The following TMEM132B variants were observed in gnomAD, a reference collection of about 807,000 sequenced individuals.
TMEM132B encodes the protein transmembrane protein 132B.
Under a neutral mutation model 90.8 loss-of-function variants are expected in TMEM132B, and 18 were observed. The observed-to-expected ratio is 0.20, with a 90% CI of 0.14 to 0.29. TMEM132B has a LOEUF of 0.29. Ranked by LOEUF, TMEM132B falls within the 10% of genes least tolerant of loss-of-function variation. The pLI, the probability that TMEM132B is intolerant of heterozygous loss-of-function variation, is 1.00. For synonymous variants in TMEM132B, 504 were observed against 523.3 expected, an observed-to-expected ratio of 0.96 and a Z score of 0.50; for missense variants, 1,096 against 1,326.8, an observed-to-expected ratio of 0.83 and a Z score of 2.70.
chr12:125,350,329 C>T lies in TMEM132B; in HGVS notation c.945C>T (p.Asp315=). Residue 315 remains aspartate, a synonymous_variant, in exon 2 of 9, where the codon GAC becomes GAT. Coordinates refer to ENST00000682704, the MANE Select transcript of TMEM132B (RefSeq NM_001366854.1). The part of the protein sequence containing the change: ...LVSLTSSSVA[D]QFTLRIKAAA... ...CTCTGACCAGTAGCTCTGTGGCAGA[C>T]CAGTTCACTCTTAGGTAAGAGGCTT... 1 of 1,612,400 alleles carries T rather than the reference C, an allele frequency of 6.2e-7. No individual in the cohort carries two copies. Among genetic ancestry groups the T allele is most frequent in the African/African-American group, 1.3e-5 (1 of 75,030 alleles).
chr12:125,523,808 A>G (rs11058222), intron 4 of TMEM132B, among the ~76,000 whole-genome samples: 37,417 of 152,124 alleles, frequency 0.25, 4,916 homozygotes, highest in African/African-American at 0.29. Flanking sequence ...ATGTCACTCT[A>G]GCACCTCTGA....
intron 1 of TMEM132B, among the ~76,000 whole-genome samples, chr12:125,339,687 T>C (rs1877109596): frequency 6.6e-6 from 1 of 151,884 alleles, no homozygotes. Flanking sequence ...CTGAGAGGGA[T>C]GGAGATAGAG....
In TMEM132B at chr12:125,186,676, G is replaced by A. The variant is rs1422901460; in HGVS notation, c.-124G>A. The stretch of plus-strand genomic sequence containing the variant: ...GCGCATGCGTCTGGGGAGGAGCGGC[G>A]CGCTGGGAGCGAGCCATGCCCGGCG... On this transcript the variant is annotated 5_prime_UTR_variant, in exon 1 of 9. Coordinates refer to ENST00000682704, the MANE Select transcript of TMEM132B (RefSeq NM_001366854.1). The surrounding 1 kb of genome is among the most constrained non-coding windows in gnomAD (Gnocchi z 6.3). 1.4e-5 allele frequency among the ~76,000 whole-genome samples: 2 copies of A among 146,586 alleles called. No homozygotes were observed. Among genetic ancestry groups the A allele is most frequent in the African/African-American group, 4.9e-5 (2 of 40,872 alleles).
chr12:125,363,287 C>T (rs1846647), intron 2 of TMEM132B, among the ~76,000 whole-genome samples: 54 of 152,310 alleles, frequency 3.5e-4, no homozygotes, highest in African/African-American at 1.2e-3. Context: ...TCCCCACAAC[C>T]CTGCCTATAC....
chr12:125,393,948 C>A (rs906162676), intron 2 of TMEM132B, among the ~76,000 whole-genome samples: 1 of 152,148 alleles, frequency 6.6e-6, no homozygotes, highest in African/African-American at 2.4e-5. Flanking sequence ...AGAGAGAGGA[C>A]GAAGGAGCCT....
intron 3 of TMEM132B, among the ~76,000 whole-genome samples, chr12:125,440,114 T>C (rs1301197319): frequency 6.6e-6 from 1 of 152,200 alleles, no homozygotes; most frequent in Non-Finnish European, 1.5e-5. Context: ...TCATCAAGGA[T>C]ATTGGCCTGA....
chr12:125,644,178 G>A lies in TMEM132B; in HGVS notation c.1540G>A (p.Glu514Lys), dbSNP rs763471249. 13 of 1,614,080 alleles carry A rather than the reference G, an allele frequency of 8.1e-6. No individual in the cohort carries two copies. The highest frequency in any genetic ancestry group is 3.3e-5 in the Admixed American group (2 of 59,998). The change falls in exon 6 of 9, where the codon GAG becomes AAG. Residue 514 changes from glutamate to lysine, a missense_variant. Transcript: ENST00000682704. The stretch of plus-strand genomic sequence containing the variant: ...CCACCAGCACTTCACCTCCCAGTTC[G>A]AGGTCACTGTCTGGGCACCCAGGCT... The part of the protein sequence containing the change: ...FTHQHFTSQF[E>K]VTVWAPRLPL...
chr12:125,536,182 G>A (rs138119450), intron 4 of TMEM132B, among the ~76,000 whole-genome samples: 39 of 152,320 alleles, frequency 2.6e-4, no homozygotes, highest in Admixed American at 3.9e-4. Flanking sequence ...GGCTGAATCC[G>A]CACATAGTTT....
At chr12:125,333,935 A>G (rs1419251539) in intron 1 of TMEM132B, among the ~76,000 whole-genome samples, 1 of 152,190 alleles carries the variant, frequency 6.6e-6, no homozygotes, top group Non-Finnish European at 1.5e-5. Context: ...GTTAACTCAC[A>G]TGTCCTCAGG....
At position 125,232,455 on chromosome 12, in the gene TMEM132B, C is replaced by T. The variant is rs146937094; in HGVS notation, c.67+45589C>T. On this transcript the variant is annotated intron_variant, in intron 1 of 8. Coordinates refer to ENST00000682704, the MANE Select transcript of TMEM132B (RefSeq NM_001366854.1). ...TTTGCTTTTATCACTTTTCACTTAC[C>T]TTTTTTTTTTTGAGACAAATATCTG... 1.2e-4 allele frequency among the ~76,000 whole-genome samples: 17 copies of T among 145,734 alleles called. 1 individual carries two copies. The highest frequency in any genetic ancestry group is 4.0e-4 in the African/African-American group (16 of 40,014).
intron 3 of TMEM132B, among the ~76,000 whole-genome samples, chr12:125,515,288 TCACA>T (rs999076647): frequency 3.3e-5 from 5 of 151,000 alleles, no homozygotes; most frequent in Admixed American, 2.0e-4. Context: ...ACAAATTCTC[TCACA>T]CACTCATACA....
intron 3 of TMEM132B, among the ~76,000 whole-genome samples, chr12:125,479,501 A>G (rs1413659876): frequency 6.6e-6 from 1 of 152,218 alleles, no homozygotes; most frequent in Non-Finnish European, 1.5e-5. Context: ...AACAAAAATC[A>G]AAAGAGACAA....
intron 3 of TMEM132B, among the ~76,000 whole-genome samples, chr12:125,417,924 C>T (rs1223690945): frequency 6.6e-6 from 1 of 152,150 alleles, no homozygotes; most frequent in Non-Finnish European, 1.5e-5. Context: ...TTGACCAGCG[C>T]TAATGGAAGA....
intron 1 of TMEM132B, among the ~76,000 whole-genome samples, chr12:125,256,820 C>A (rs1874449142): frequency 6.6e-6 from 1 of 152,142 alleles, no homozygotes; most frequent in Non-Finnish European, 1.5e-5. Context: ...GAGGACTGTC[C>A]ATTGACCTGC....
chr12:125,576,994 C>T (rs1236885345), intron 4 of TMEM132B, among the ~76,000 whole-genome samples: 2 of 150,428 alleles, frequency 1.3e-5, no homozygotes, highest in African/African-American at 4.9e-5. Flanking sequence ...TAGGGTAATA[C>T]TGGCCTCATA....
intron 4 of TMEM132B, among the ~76,000 whole-genome samples, chr12:125,582,616 G>A (rs887313889): frequency 6.6e-6 from 1 of 152,192 alleles, no homozygotes; most frequent in Non-Finnish European, 1.5e-5. Context: ...GTGCGAAGTG[G>A]CATCTCTGCC....
In TMEM132B at chr12:125,261,520, A is replaced by G. The variant is rs570431389; in HGVS notation, c.67+74654A>G. On this transcript the variant is annotated intron_variant, in intron 1 of 8. Transcript: ENST00000682704. ...GTGATATTTGGTGAGAGGTGAACTC[A>G]TGTATACCATGACCATATTTCCTAT... Among the ~76,000 whole-genome samples the G allele has an allele frequency of 4.6e-5, 7 of 152,328 alleles. No individual in the cohort carries two copies. The East Asian group carries it at 9.7e-4, about 21-fold the overall frequency.
At chr12:125,451,620 G>T (rs1185689593) in intron 3 of TMEM132B, among the ~76,000 whole-genome samples, 15 of 133,946 alleles carry the variant, frequency 1.1e-4, no homozygotes, top group Non-Finnish European at 3.1e-5. Flanking sequence ...GTCCAGTTCT[G>T]TGGTCTACTG....
intron 5 of TMEM132B, among the ~76,000 whole-genome samples, chr12:125,589,596 G>A (rs1163099011): frequency 1.3e-5 from 2 of 151,754 alleles, no homozygotes; most frequent in African/African-American, 4.8e-5. Context: ...GTTCTGATCT[G>A]CTCAGCTTCT....
Sources: gnomAD v4.1 joint callset for allele counts (sites outside exome capture counted in the v4.1 genomes callset) on GRCh38, gnomAD v4.1.1 for gene constraint, Gnocchi (gnomAD v3.1) non-coding constraint, MANE v1.5 for transcripts, NCBI Gene and HGNC (gene_info 2026-07-23, HGNC 2026-07-21) for gene names.